Variants in EPHB3 observed in about 807,000 individuals in gnomAD.
EPHB3 encodes EPH receptor B3, also known as ephrin type-B receptor 3.
In EPHB3, 33 loss-of-function variants were observed where a neutral mutation model predicts 100.2. The ratio of observed to expected loss-of-function variants is 0.33; its 90% CI spans 0.25 to 0.44. EPHB3 has a LOEUF of 0.44. EPHB3 is among the 20% of genes least tolerant of loss of function. EPHB3 has a pLI of 1.00. For missense variants in EPHB3, 1,045 were observed against 1,378.3 expected (o/e 0.76, Z 3.83); for synonymous variants, 526 against 554.7 (o/e 0.95, Z 0.73).
Position 184,562,428 on chromosome 3 carries a change from C to G in EPHB3, c.118+75C>G, listed in dbSNP as rs1360507667. ...GGGCTGCGGGCTAGCAGCGTGGGTC[C>G]GACCCGGATTGAGCGCACGTCGGAG... On this transcript the variant is annotated intron_variant, in intron 1 of 15. Coordinates refer to ENST00000330394, the MANE Select transcript of EPHB3 (RefSeq NM_004443.4). This position sits in a 1 kb window ranked among gnomAD's most constrained non-coding sequence, Gnocchi z 4.8. 14 of 1,147,196 alleles carry G rather than the reference C, an allele frequency of 1.2e-5. No homozygotes were observed. The highest frequency in any genetic ancestry group is 1.4e-5 in the Non-Finnish European group (13 of 933,166). 71.1% of individuals were successfully genotyped at this position (1,147,196 alleles called of 1,614,324 possible).
rs1714689207 is a variant in EPHB3, at chr3:184,576,897, C to A, written c.1068C>A (p.Ile356=). Residue 356 remains isoleucine, a synonymous_variant, in exon 5 of 16, where the codon ATC becomes ATA. Coordinates refer to ENST00000330394, the MANE Select transcript of EPHB3 (RefSeq NM_004443.4). ...CCAATGTGAATGAAACCTCACTGAT[C>A]CTCGAGTGGAGTGAGCCCCGGGACC... ...VISNVNETSL[I]LEWSEPRDLG... is the part of the protein sequence containing the mutation. 1 of 1,578,160 alleles carries A rather than the reference C, an allele frequency of 6.3e-7. No homozygotes were observed. The highest frequency in any genetic ancestry group is 8.6e-7 in the Non-Finnish European group (1 of 1,159,014).
chr3:184,580,795 A>G lies in EPHB3; in HGVS notation c.2455A>G (p.Ser819Gly). 1.2e-6 allele frequency: 2 copies of G among 1,614,184 alleles called. No homozygotes were observed. The highest frequency in any genetic ancestry group is 1.7e-6 in the Non-Finnish European group (2 of 1,180,032). ...AIAYRKFTSA[S>G]DVWSYGIVMW... ...AGCCTATCGGAAGTTCACTTCTGCT[A>G]GTGATGTCTGGAGCTACGGAATTGT... The change falls in exon 13 of 16, where the codon AGT becomes GGT. Residue 819 changes from serine to glycine, a missense_variant. Coordinates refer to ENST00000330394, the MANE Select transcript of EPHB3 (RefSeq NM_004443.4).
Position 184,562,211 on chromosome 3 carries a change from C to A in EPHB3, c.-25C>A, listed in dbSNP as rs1426842251. The A allele has an allele frequency of 9.7e-5, 64 of 658,820 alleles. No individual in the cohort carries two copies. The highest frequency in any genetic ancestry group is 1.2e-4 in the Non-Finnish European group (62 of 510,186). 40.8% of individuals were successfully genotyped at this position (658,820 alleles called of 1,614,324 possible). A position where few individuals can be genotyped will look rare whatever the true frequency, so the allele number is the denominator to read the frequency against. On this transcript the variant is annotated 5_prime_UTR_variant, in exon 1 of 16. Transcript: ENST00000330394. This position sits in a 1 kb window ranked among gnomAD's most constrained non-coding sequence, Gnocchi z 4.8. ...CGCGGCCCGGCCCGGCGCGGCCCGG[C>A]TCGGCTCCTAGAGCTGCCACGGCCA...
chr3:184,572,365 G>A lies in EPHB3; in HGVS notation c.184-139G>A. On this transcript the variant is annotated intron_variant, in intron 2 of 15. Transcript: ENST00000330394. This position sits in a 1 kb window ranked among gnomAD's most constrained non-coding sequence, Gnocchi z 6.6. ...CACAGCAGGCAGAGAGCTGGAATTT[G>A]AGCCCATATAGCCTGTATGCTCAGC... 1.1e-6 allele frequency: 1 copy of A among 912,710 alleles called. No homozygotes were observed. Among genetic ancestry groups the A allele is most frequent in the Admixed American group, 3.9e-5 (1 of 25,640 alleles). The allele number at this position is 912,710 out of a possible 1,614,324, so 56.5% of individuals were successfully genotyped here. A position where few individuals can be genotyped will look rare whatever the true frequency, so the allele number is the denominator to read the frequency against.
rs1171159383 is a variant in EPHB3, at chr3:184,572,525, G to A, written c.205G>A (p.Asp69Asn). Residue 69 changes from aspartate to asparagine, a missense_variant, in exon 3 of 16, where the codon GAT becomes AAT. Asp to Asn is a conservative substitution (Grantham distance 23). Transcript: ENST00000330394. This position sits in a 1 kb window ranked among gnomAD's most constrained non-coding sequence, Gnocchi z 6.6. ...ESGWEEVSGY[D>N]EAMNPIRTYQ... The stretch of plus-strand genomic sequence containing the variant: ...ACAGTGGGAAGAGGTGAGTGGCTAC[G>A]ATGAGGCCATGAATCCCATCCGCAC... 2.6e-6 allele frequency: 4 copies of A among 1,559,726 alleles called. No homozygotes were observed. The highest frequency in any genetic ancestry group is 2.7e-5 in the African/African-American group (2 of 73,020).
In EPHB3 at chr3:184,573,215, G is replaced by T; in HGVS notation, c.856+39G>T. On this transcript the variant is annotated intron_variant, in intron 3 of 15. Transcript: ENST00000330394. The surrounding 1 kb of genome is among the most constrained non-coding windows in gnomAD (Gnocchi z 4.5). ...GTCCTGGGGAAAGGGTTGTCGGGAG[G>T]GCCTGGGCCACAGCTACCTACCGCC... The T allele has an allele frequency of 6.2e-7, 1 of 1,603,732 alleles. No homozygotes were observed.
Position 184,578,596 on chromosome 3 carries a change from G to A in EPHB3, c.1801+130G>A. The A allele has an allele frequency of 1.6e-6, 2 of 1,243,892 alleles. No homozygotes were observed. The highest frequency in any genetic ancestry group is 1.4e-5 in the South Asian group (1 of 71,976). 77.1% of individuals were successfully genotyped at this position (1,243,892 alleles called of 1,614,324 possible). On this transcript the variant is annotated intron_variant, in intron 9 of 15. Transcript: ENST00000330394. The surrounding 1 kb of genome is among the most constrained non-coding windows in gnomAD (Gnocchi z 4.7). The stretch of plus-strand genomic sequence containing the variant: ...AATGCCCCCTCCCACTTCCAGTCAA[G>A]TGGCATTTCCTGACCCCTATCTCAC...
chr3:184,562,405 G>A lies in EPHB3; in HGVS notation c.118+52G>A, dbSNP rs907812958. The A allele has an allele frequency of 1.1e-5, 13 of 1,188,144 alleles. No homozygotes were observed. Among genetic ancestry groups the A allele is most frequent in the African/African-American group, 6.4e-5 (4 of 62,376 alleles). 73.6% of individuals were successfully genotyped at this position (1,188,144 alleles called of 1,614,324 possible). The stretch of plus-strand genomic sequence containing the variant: ...GGAACAAGGTGCCTGGGGTCGCGGG[G>A]CTGCGGGCTAGCAGCGTGGGTCCGA... On this transcript the variant is annotated intron_variant, in intron 1 of 15. Transcript: ENST00000330394. The surrounding 1 kb of genome is among the most constrained non-coding windows in gnomAD (Gnocchi z 4.8).
Position 184,579,842 on chromosome 3 carries a change from A to G in EPHB3, c.2080A>G (p.Ile694Val). ...CATGGGTCAGTTTGATCACCCCAAT[A>G]TAATCCGGCTCGAGGGCGTGGTCAC... ...SIMGQFDHPN[I>V]IRLEGVVTKS... Residue 694 changes from isoleucine (I) to valine (V), a missense_variant, in exon 11 of 16, where the codon ATA becomes GTA. By Grantham distance (29) the Ile-to-Val change is conservative. This residue lies in a region of EPHB3 where 985 missense variants were observed against 1,331.1 expected (regional missense o/e 0.74). Coordinates refer to ENST00000330394, the MANE Select transcript of EPHB3 (RefSeq NM_004443.4). This position sits in a 1 kb window ranked among gnomAD's most constrained non-coding sequence, Gnocchi z 5.2. The G allele has an allele frequency of 6.2e-7, 1 of 1,613,506 alleles. No individual in the cohort carries two copies. The highest frequency in any genetic ancestry group is 8.5e-7 in the Non-Finnish European group (1 of 1,179,948).
chr3:184,576,210 C>T (rs966514009), intron 4 of EPHB3, among the ~76,000 whole-genome samples: 9 of 150,682 alleles, frequency 6.0e-5, no homozygotes, highest in African/African-American at 1.9e-4. Context: ...TGCTAAGCAC[C>T]TACCTGTTCC....
At position 184,572,009 on chromosome 3, in the gene EPHB3, A is replaced by C. The variant is rs547938371; in HGVS notation, c.184-495A>C. The stretch of plus-strand genomic sequence containing the variant: ...GTCGGGACAACAGATGCGGCTCCTC[A>C]TGGAGCTGTTGTGAAGATTGAATGC... On this transcript the variant is annotated intron_variant, in intron 2 of 15. Coordinates refer to ENST00000330394, the MANE Select transcript of EPHB3 (RefSeq NM_004443.4). This position sits in a 1 kb window ranked among gnomAD's most constrained non-coding sequence, Gnocchi z 6.6. Among the ~76,000 whole-genome samples the C allele has an allele frequency of 1.3e-5, 2 of 152,148 alleles. No homozygotes were observed.
chr3:184,576,819 T>A (rs1199962651), intron 4 of EPHB3, 23 bp from the exon 5 acceptor site: 1 of 1,522,624 alleles, frequency 6.6e-7, no homozygotes, highest in Admixed American at 2.1e-5. Flanking sequence ...GCTCACTACC[T>A]TCTCCCTCCA....
In EPHB3 at chr3:184,571,184, C is replaced by T. The variant is rs1714530548; in HGVS notation, c.119-134C>T. Reference sequence around the variant, plus strand: ...GGTCAGACTGATCTCAAACTCCTGACCTCAAGTGATCCACCTGCCTCAGAC... The same window carrying T: ...GGTCAGACTGATCTCAAACTCCTGATCTCAAGTGATCCACCTGCCTCAGAC... On this transcript the variant is annotated intron_variant, in intron 1 of 15. Transcript: ENST00000330394. This position sits in a 1 kb window ranked among gnomAD's most constrained non-coding sequence, Gnocchi z 5.0. The T allele has an allele frequency of 3.9e-6, 3 of 761,074 alleles. No individual in the cohort carries two copies. Among genetic ancestry groups the T allele is most frequent in the Non-Finnish European group, 6.8e-6 (3 of 441,016 alleles). The allele number at this position is 761,074 out of a possible 1,614,324, so 47.1% of individuals were successfully genotyped here.
intron 1 of EPHB3, among the ~76,000 whole-genome samples, chr3:184,566,696 C>A (rs934656225): frequency 1.3e-5 from 2 of 152,078 alleles, no homozygotes; most frequent in African/African-American, 4.8e-5. Context: ...CTCCTCCTTG[C>A]GCAGACCCTG....
At position 184,579,370 on chromosome 3, in the gene EPHB3, A is replaced by C; in HGVS notation, c.1802-107A>C. 6.6e-7 allele frequency: 1 copy of C among 1,518,988 alleles called. No individual in the cohort carries two copies. Among genetic ancestry groups the C allele is most frequent in the Admixed American group, 1.9e-5 (1 of 52,124 alleles). The allele number at this position is 1,518,988 out of a possible 1,614,324, so 94.1% of individuals were successfully genotyped here. On this transcript the variant is annotated intron_variant, in intron 9 of 15. Transcript: ENST00000330394. The surrounding 1 kb of genome is among the most constrained non-coding windows in gnomAD (Gnocchi z 5.2). ...AGCTGGAGGATTAGGGCAGCAACAC[A>C]GAGGAATATGGGGCTGGGCTCAGCA...
At chr3:184,576,029 T>G (rs772550310) in intron 4 of EPHB3, 44 bp downstream of exon 4, 4 of 1,555,118 alleles carry the variant, frequency 2.6e-6, no homozygotes, top group Non-Finnish European at 3.5e-6. Flanking sequence ...AGGCCTTCCC[T>G]CTGGGGGGCC....
rs1714370291 is a variant in EPHB3 at position 184,565,844 on chromosome 3, G to GC, written c.118+3492dup. Among the ~76,000 whole-genome samples, 2 of 152,260 alleles carry GC rather than the reference G, an allele frequency of 1.3e-5. No individual in the cohort carries two copies. The highest frequency in any genetic ancestry group is 4.8e-5 in the African/African-American group (2 of 41,476). On this transcript the variant is annotated intron_variant, in intron 1 of 15. Transcript: ENST00000330394. The surrounding 1 kb of genome is among the most constrained non-coding windows in gnomAD (Gnocchi z 4.8). ...CACAGCTGCTGCTGCTGCCACTGCAGCTTCAGCGGCTGCTGCGAGCTGAAG... is the reference window on the plus strand; with the variant it reads ...CACAGCTGCTGCTGCTGCCACTGCAGCCTTCAGCGGCTGCTGCGAGCTGAAG...
chr3:184,566,602 G>C (rs1160945417), intron 1 of EPHB3, among the ~76,000 whole-genome samples: 1 of 152,194 alleles, frequency 6.6e-6, no homozygotes, highest in African/African-American at 2.4e-5. Flanking sequence ...CCATGGGAGG[G>C]GAGCCAGCTT....
Position 184,576,991 on chromosome 3 carries a change from G to A in EPHB3, c.1162G>A (p.Ala388Thr), listed in dbSNP as rs200601511. ...GTGCCATGGGGCTGGAGGGGCCTCA[G>A]CCTGCTCACGCTGTGATGACAACGT... Reference protein sequence around the residue: ...KKCHGAGGASACSRCDDNVEF... With the variant: ...KKCHGAGGASTCSRCDDNVEF... The change falls in exon 5 of 16, where the codon GCC becomes ACC. Residue 388 changes from alanine to threonine, a missense_variant. Ala to Thr is a moderately conservative substitution (Grantham distance 58). Coordinates refer to ENST00000330394, the MANE Select transcript of EPHB3 (RefSeq NM_004443.4). The A allele has an allele frequency of 1.4e-5, 23 of 1,613,716 alleles. No individual in the cohort carries two copies. The highest frequency in any genetic ancestry group is 1.9e-5 in the Non-Finnish European group (22 of 1,179,910).
Sources: allele counts gnomAD v4.1 joint callset (sites outside exome capture counted in the v4.1 genomes callset), GRCh38; gene constraint gnomAD v4.1.1; regional missense constraint gnomAD v4.1.1; non-coding constraint Gnocchi (gnomAD v3.1); transcripts MANE v1.5; gene names NCBI Gene and HGNC (gene_info 2026-07-23, HGNC 2026-07-21).